The following ADAM9 variants were observed in gnomAD, a reference collection of about 807,000 sequenced individuals.
ADAM9 encodes the protein disintegrin and metalloproteinase domain-containing protein 9.
ADAM9 carries 54 observed loss-of-function variants against 108.1 expected under a neutral mutation model. The observed-to-expected ratio is 0.50, with a 90% CI of 0.40 to 0.63. ADAM9 has a LOEUF of 0.63. ADAM9 is among the 20% of genes least tolerant of loss of function. The pLI is 0.00. For missense variants in ADAM9, 830 were observed against 997.7 expected, an observed-to-expected ratio of 0.83 and a Z score of 2.26; for synonymous variants, 316 against 336.0, an observed-to-expected ratio of 0.94 and a Z score of 0.65.
At chr8:39,000,363 T>C (rs1381653653) in intron 1 of ADAM9, among the ~76,000 whole-genome samples, 2 of 152,192 alleles carry the variant, frequency 1.3e-5, no homozygotes, top group Non-Finnish European at 2.9e-5. Context: ...TGTTTGTATA[T>C]TGAGAGATTA....
intron 12 of ADAM9, among the ~76,000 whole-genome samples, chr8:39,050,193 C>A (rs1177619643): frequency 6.6e-6 from 1 of 152,048 alleles, no homozygotes; most frequent in Non-Finnish European, 1.5e-5. Context: ...TTTCAAAATT[C>A]TCTTTGTCTT....
chr8:39,088,929 C>T (rs1040850977), intron 18 of ADAM9, among the ~76,000 whole-genome samples: 1 of 151,842 alleles, frequency 6.6e-6, no homozygotes, highest in Non-Finnish European at 1.5e-5. Flanking sequence ...AAGGACTGAG[C>T]AGAAAAAAAT....
chr8:39,079,594 A>T (rs1334591153), intron 16 of ADAM9, among the ~76,000 whole-genome samples: 1 of 142,198 alleles, frequency 7.0e-6, no homozygotes, highest in Non-Finnish European at 1.5e-5. Flanking sequence ...AATATCATGA[A>T]TTTTTTTTTT....
chr8:39,089,090 T>C (rs1839268512), intron 18 of ADAM9, among the ~76,000 whole-genome samples: 1 of 151,774 alleles, frequency 6.6e-6, no homozygotes, highest in African/African-American at 2.4e-5. Flanking sequence ...CTACTAATAA[T>C]ACAAAAAAAT....
intron 2 of ADAM9, among the ~76,000 whole-genome samples, chr8:39,009,975 C>A (rs893693791): frequency 1.4e-4 from 20 of 147,408 alleles, no homozygotes; most frequent in African/African-American, 3.3e-4. Flanking sequence ...CCCCCCCCCC[C>A]AAACCAAAAA....
chr8:39,004,478 G>A (rs1836097961), intron 1 of ADAM9, among the ~76,000 whole-genome samples: 1 of 152,198 alleles, frequency 6.6e-6, no homozygotes, highest in Non-Finnish European at 1.5e-5. Context: ...GCCTCCCAAA[G>A]TGCTAGGATT....
chr8:39,068,733 C>T (rs1314523635), intron 14 of ADAM9, among the ~76,000 whole-genome samples: 6 of 121,394 alleles, frequency 4.9e-5, no homozygotes, highest in Non-Finnish European at 8.2e-5. Context: ...TGTCAGCATT[C>T]TGGGAGGGAA....
chr8:39,089,758 C>T (rs1198028802), intron 18 of ADAM9: 2 of 397,512 alleles, frequency 5.0e-6, no homozygotes, highest in Non-Finnish European at 9.5e-6. Flanking sequence ...AAATAGTATG[C>T]TACCTTTTGT....
intron 1 of ADAM9, among the ~76,000 whole-genome samples, chr8:39,007,360 T>C (rs1435991771): frequency 6.6e-6 from 1 of 152,148 alleles, no homozygotes; most frequent in Non-Finnish European, 1.5e-5. Flanking sequence ...ACTGGCACAC[T>C]GGGGGTTAAA....
intron 2 of ADAM9, among the ~76,000 whole-genome samples, chr8:39,009,494 C>T (rs1365836532): frequency 6.6e-6 from 1 of 152,226 alleles, no homozygotes; most frequent in East Asian, 1.9e-4. Context: ...CTGCTTCAGC[C>T]TCCCAGAGTG....
chr8:39,034,979 A>C (rs1388951466), intron 11 of ADAM9, among the ~76,000 whole-genome samples: 2 of 152,194 alleles, frequency 1.3e-5, no homozygotes, highest in Non-Finnish European at 2.9e-5. Context: ...ATTTTTCATC[A>C]GTCGGAAAAT....
intron 2 of ADAM9, among the ~76,000 whole-genome samples, chr8:39,009,929 AG>A (rs1259755778): frequency 1.5e-3 from 135 of 88,370 alleles, no homozygotes; most frequent in African/African-American, 5.9e-3. Flanking sequence ...AGAGAGAGAG[AG>A]AGACAAAAAC....
chr8:39,071,882 G>T (rs1012162323), intron 15 of ADAM9, among the ~76,000 whole-genome samples: 2 of 152,174 alleles, frequency 1.3e-5, no homozygotes, highest in Non-Finnish European at 2.9e-5. Context: ...GTTAGGAAAA[G>T]AACTGGTAAC....
chr8:39,046,372 C>G (rs949381337), intron 12 of ADAM9, among the ~76,000 whole-genome samples: 1 of 152,038 alleles, frequency 6.6e-6, no homozygotes. Flanking sequence ...TTGATGGACT[C>G]TTTGGGATTT....
chr8:39,103,915 TC>T lies in ADAM9; in HGVS notation c.*217del, dbSNP rs1178405884. The T allele has an allele frequency of 1.0e-5, 7 of 683,740 alleles. No individual in the cohort carries two copies. The highest frequency in any genetic ancestry group is 1.9e-5 in the Non-Finnish European group (7 of 375,364). The allele number at this position is 683,740 out of a possible 1,614,324, so 42.4% of individuals were successfully genotyped here. A position where few individuals can be genotyped will look rare whatever the true frequency, so the allele number is the denominator to read the frequency against. Reference sequence around the variant, plus strand: ...AAGCCAGGGAATTTACAATAACATTTCCGTTTCCATCATTGAATAAGTCTTA... The same window carrying T: ...AAGCCAGGGAATTTACAATAACATTTCGTTTCCATCATTGAATAAGTCTTA... On this transcript the variant is annotated 3_prime_UTR_variant, in exon 22 of 22. Coordinates refer to ENST00000487273, the MANE Select transcript of ADAM9 (RefSeq NM_003816.3).
rs556356299 is a variant in ADAM9, at chr8:39,104,364, C to G, written c.*664C>G. On this transcript the variant is annotated 3_prime_UTR_variant, in exon 22 of 22. Coordinates refer to ENST00000487273, the MANE Select transcript of ADAM9 (RefSeq NM_003816.3). ...CGCTTCCATTTTTATGACCTTTCAACTATAGGTAATAACTCTTAGAGAAAT... is the reference window on the plus strand; with the variant it reads ...CGCTTCCATTTTTATGACCTTTCAAGTATAGGTAATAACTCTTAGAGAAAT... 1.1e-5 allele frequency: 5 copies of G among 451,198 alleles called. No homozygotes were observed. The highest frequency in any genetic ancestry group is 1.0e-4 in the African/African-American group (5 of 50,084). 27.9% of individuals were successfully genotyped at this position (451,198 alleles called of 1,614,324 possible).
At chr8:39,073,101 G>A (rs901260340) in intron 15 of ADAM9, among the ~76,000 whole-genome samples, 2 of 152,190 alleles carry the variant, frequency 1.3e-5, no homozygotes, top group African/African-American at 4.8e-5. Flanking sequence ...TATATGGTCT[G>A]TATGGGTAAA....
In ADAM9 at chr8:39,071,149, C is replaced by G. The variant is rs1838673153; in HGVS notation, c.1592-149C>G. On this transcript the variant is annotated intron_variant, in intron 14 of 21. Transcript: ENST00000487273. ...TATGAAATGTGGAACAAAAATGTAT[C>G]ATGTGTGAGGCAGGAAAGGTTTTCC... 6.3e-6 allele frequency: 4 copies of G among 631,066 alleles called. No homozygotes were observed. In the East Asian group the frequency reaches 1.1e-4, roughly 18 times the overall value. 39.1% of individuals were successfully genotyped at this position (631,066 alleles called of 1,614,324 possible).
intron 12 of ADAM9, among the ~76,000 whole-genome samples, chr8:39,043,045 G>A (rs1036247679): frequency 6.6e-6 from 1 of 152,096 alleles, no homozygotes; most frequent in Non-Finnish European, 1.5e-5. Flanking sequence ...ATTTCTCTTA[G>A]CATGGTATTG....
Sources: allele counts gnomAD v4.1 joint callset (sites outside exome capture counted in the v4.1 genomes callset), GRCh38; gene constraint gnomAD v4.1.1; transcripts MANE v1.5; gene names NCBI Gene and HGNC (gene_info 2026-07-23, HGNC 2026-07-21).